The following CSNK1D variants were observed in gnomAD, a reference collection of about 807,000 sequenced individuals.
CSNK1D encodes the protein casein kinase 1 delta, also known as casein kinase I isoform delta.
CSNK1D carries 16 observed loss-of-function variants against 46.6 expected under a neutral mutation model. The observed-to-expected ratio is 0.34, with a 90% CI of 0.23 to 0.52. The LOEUF is 0.52. CSNK1D is among the 20% of genes least tolerant of loss of function. CSNK1D has a pLI of 0.95. For missense variants in CSNK1D, 398 were observed against 578.4 expected, an observed-to-expected ratio of 0.69 and a Z score of 3.20; for synonymous variants, 276 against 228.2, an observed-to-expected ratio of 1.21 and a Z score of -1.89.
rs974634932 is a variant in CSNK1D at position 82,243,463 on chromosome 17, AGCCTG to A, written c.*1313_*1317del. The A allele has an allele frequency of 4.1e-6, 4 of 985,492 alleles. No homozygotes were observed. Among genetic ancestry groups the A allele is most frequent in the Non-Finnish European group, 4.8e-6 (4 of 829,970 alleles). 61.0% of individuals were successfully genotyped at this position (985,492 alleles called of 1,614,324 possible). A position where few individuals can be genotyped will look rare whatever the true frequency, so the allele number is the denominator to read the frequency against. ...GGAACCTCAGGGCACAGCAGCATGG[AGCCTG>A]GGGCAGCACCAGCTCACGGAGGCCA... On this transcript the variant is annotated 3_prime_UTR_variant, in exon 9 of 9. Coordinates refer to ENST00000314028, the MANE Select transcript of CSNK1D (RefSeq NM_001893.6).
Position 82,242,803 on chromosome 17 carries a change from G to T in CSNK1D, c.*1978C>A. The T allele has an allele frequency of 5.1e-6, 5 of 985,470 alleles. No homozygotes were observed. Among genetic ancestry groups the T allele is most frequent in the Non-Finnish European group, 6.0e-6 (5 of 829,940 alleles). The allele number at this position is 985,470 out of a possible 1,614,324, so 61.0% of individuals were successfully genotyped here. A position where few individuals can be genotyped will look rare whatever the true frequency, so the allele number is the denominator to read the frequency against. ...GACGTCCTACCTACGTCTCCTGCAC[G>T]GGGCGACGGGGACTAGATACTGGGC... is the stretch of plus-strand genomic sequence containing the variant. On this transcript the variant is annotated 3_prime_UTR_variant, in exon 9 of 9. Coordinates refer to ENST00000314028, the MANE Select transcript of CSNK1D (RefSeq NM_001893.6).
intron 1 of CSNK1D, among the ~76,000 whole-genome samples, chr17:82,271,144 T>G (rs1457487692): frequency 6.6e-6 from 1 of 152,174 alleles, no homozygotes. Context: ...GGTGTGATCT[T>G]GGCTCACTGC....
chr17:82,242,537 G>C, downstream of CSNK1D: 1 of 722,706 alleles, frequency 1.4e-6, no homozygotes, highest in South Asian at 6.3e-5. Context: ...TGCTCTGCCA[G>C]CTCCCAGACA....
At chr17:82,253,338 T>C in intron 3 of CSNK1D, 94 bp from the exon 4 acceptor site, 1 of 985,168 alleles carries the variant, frequency 1.0e-6, no homozygotes, top group South Asian at 1.3e-5. Context: ...GCTGCATTGT[T>C]CCTGCCCCTC....
At chr17:82,266,325 C>T (rs572161254) in intron 1 of CSNK1D, among the ~76,000 whole-genome samples, 27 of 152,360 alleles carry the variant, frequency 1.8e-4, no homozygotes, top group African/African-American at 5.8e-4. Flanking sequence ...CAACCTATTG[C>T]AGGCAAACAC....
intron 1 of CSNK1D, among the ~76,000 whole-genome samples, chr17:82,272,875 C>G (rs1691347645): frequency 6.6e-6 from 1 of 151,364 alleles, no homozygotes; most frequent in Non-Finnish European, 1.5e-5. Flanking sequence ...CGGCCCCAGC[C>G]CTACCCCCTC....
chr17:82,257,450 T>C (rs985077071), intron 2 of CSNK1D, among the ~76,000 whole-genome samples: 2 of 152,178 alleles, frequency 1.3e-5, no homozygotes, highest in Non-Finnish European at 2.9e-5. Flanking sequence ...TTTTTTAAAG[T>C]GTTAAAGTTA....
rs915042112 is a variant in CSNK1D at position 82,252,913 on chromosome 17, C to G, written c.565+103G>C. The G allele has an allele frequency of 9.1e-6, 10 of 1,095,190 alleles. No homozygotes were observed. The highest frequency in any genetic ancestry group is 5.5e-6 in the Non-Finnish European group (4 of 731,320). The allele number at this position is 1,095,190 out of a possible 1,614,324, so 67.8% of individuals were successfully genotyped here. A position where few individuals can be genotyped will look rare whatever the true frequency, so the allele number is the denominator to read the frequency against. On this transcript the variant is annotated intron_variant, in intron 4 of 8. Coordinates refer to ENST00000314028, the MANE Select transcript of CSNK1D (RefSeq NM_001893.6). The surrounding 1 kb of genome is among the most constrained non-coding windows in gnomAD (Gnocchi z 4.6). ...TGTCTGCCGCAAAGGTCTGATGACA[C>G]GCTTGCAGCCCCAGCTCCCCGAGAG... is the stretch of plus-strand genomic sequence containing the variant.
chr17:82,244,166 G>A lies in CSNK1D; in HGVS notation c.*615C>T. ...CACACACACACCACGGACTTTTGAT[G>A]AGAAATCTCCTCTCCAAAGCGGACA... is the stretch of plus-strand genomic sequence containing the variant. On this transcript the variant is annotated 3_prime_UTR_variant, in exon 9 of 9. Transcript: ENST00000314028. 1 of 1,007,006 alleles carries A rather than the reference G, an allele frequency of 9.9e-7. No homozygotes were observed. Among genetic ancestry groups the A allele is most frequent in the Non-Finnish European group, 1.2e-6 (1 of 841,344 alleles). 62.4% of individuals were successfully genotyped at this position (1,007,006 alleles called of 1,614,324 possible). A position where few individuals can be genotyped will look rare whatever the true frequency, so the allele number is the denominator to read the frequency against.
Position 82,243,893 on chromosome 17 carries a change from T to TC in CSNK1D, c.*887dup. ...CATCTTCCACCTTGAATCCTGGGAC[T>TC]CCCAATTGTCCTGCTAGGGTCTCAA... On this transcript the variant is annotated 3_prime_UTR_variant, in exon 9 of 9. Transcript: ENST00000314028. The TC allele has an allele frequency of 2.0e-6, 2 of 985,602 alleles. No homozygotes were observed. The highest frequency in any genetic ancestry group is 2.4e-6 in the Non-Finnish European group (2 of 830,062). 61.1% of individuals were successfully genotyped at this position (985,602 alleles called of 1,614,324 possible). A position where few individuals can be genotyped will look rare whatever the true frequency, so the allele number is the denominator to read the frequency against.
At chr17:82,247,400 T>C in intron 8 of CSNK1D, 2 of 985,384 alleles carry the variant, frequency 2.0e-6, no homozygotes, top group Non-Finnish European at 1.2e-6. Context: ...ACACCTTCAC[T>C]GCCCACAAAG....
Position 82,251,023 on chromosome 17 carries a change from C to T in CSNK1D, c.885+356G>A, listed in dbSNP as rs772317500. The T allele has an allele frequency of 8.5e-6, 3 of 354,196 alleles. No individual in the cohort carries two copies. Among genetic ancestry groups the T allele is most frequent in the Middle Eastern group, 9.8e-4 (1 of 1,022 alleles). 21.9% of individuals were successfully genotyped at this position (354,196 alleles called of 1,614,324 possible). ...AACCCCACTCATCTCGTGGGCACCA[C>T]GACCATGTGGCACAGCGAATGGGAA... is the stretch of plus-strand genomic sequence containing the variant. On this transcript the variant is annotated intron_variant, in intron 6 of 8. Transcript: ENST00000314028. The surrounding 1 kb of genome is among the most constrained non-coding windows in gnomAD (Gnocchi z 4.5).
chr17:82,273,707 A>C (rs1305125594), upstream of CSNK1D: 1 of 483,812 alleles, frequency 2.1e-6, no homozygotes. This position sits in a 1 kb window ranked among gnomAD's most constrained non-coding sequence, Gnocchi z 5.1. Context: ...CTGTGACGTC[A>C]CTTCCCCTAG....
Position 82,255,904 on chromosome 17 carries a change from G to C in CSNK1D, c.188-327C>G, listed in dbSNP as rs2051163835. Among the ~76,000 whole-genome samples the C allele has an allele frequency of 6.6e-6, 1 of 152,224 alleles. No homozygotes were observed. The highest frequency in any genetic ancestry group is 6.5e-5 in the Admixed American group (1 of 15,272). On this transcript the variant is annotated intron_variant, in intron 2 of 8. Transcript: ENST00000314028. This position sits in a 1 kb window ranked among gnomAD's most constrained non-coding sequence, Gnocchi z 5.9. Reference sequence around the variant, plus strand: ...GAGACACAGAAAGCAGCCACGATGTGGGAAAGAAAAGAGCTCAGGCATAAA... The same window carrying C: ...GAGACACAGAAAGCAGCCACGATGTCGGAAAGAAAAGAGCTCAGGCATAAA...
chr17:82,249,724 G>C lies in CSNK1D; in HGVS notation c.886-122C>G. On this transcript the variant is annotated intron_variant, in intron 6 of 8. Transcript: ENST00000314028. The surrounding 1 kb of genome is among the most constrained non-coding windows in gnomAD (Gnocchi z 6.7). ...AAAGGGCACTGGGACGAGACTGCCT[G>C]CAAAGCCCCCCACAGGCTGCACGTT... The C allele has an allele frequency of 6.6e-7, 1 of 1,516,862 alleles. No individual in the cohort carries two copies. Among genetic ancestry groups the C allele is most frequent in the Non-Finnish European group, 8.8e-7 (1 of 1,135,928 alleles). 94.0% of individuals were successfully genotyped at this position (1,516,862 alleles called of 1,614,324 possible).
At chr17:82,257,415 G>A (rs533222546) in intron 2 of CSNK1D, among the ~76,000 whole-genome samples, 12 of 152,040 alleles carry the variant, frequency 7.9e-5, no homozygotes, top group Non-Finnish European at 1.6e-4. Flanking sequence ...TCTGCCCTCA[G>A]CGTCAAAAAG....
chr17:82,249,616 A>T lies in CSNK1D; in HGVS notation c.886-14T>A, dbSNP rs762891038. 2 of 1,558,776 alleles carry T rather than the reference A, an allele frequency of 1.3e-6. No individual in the cohort carries two copies. ...CCGGCTGGCACCCTGAGGAGGCAGG[A>T]GGTGAGGCCGGAATGGAACCAGCTT... On this transcript the variant is annotated splice_polypyrimidine_tract_variant and intron_variant, in intron 6 of 8. Transcript: ENST00000314028. This position sits in a 1 kb window ranked among gnomAD's most constrained non-coding sequence, Gnocchi z 6.7.
In CSNK1D at chr17:82,251,185, T is replaced by C; in HGVS notation, c.885+194A>G. Reference sequence around the variant, plus strand: ...GACCCCTCTGCGTTCCCTAATGGCGTCTTACTTCTTGGCACCCCTTTCTGG... The same window carrying C: ...GACCCCTCTGCGTTCCCTAATGGCGCCTTACTTCTTGGCACCCCTTTCTGG... On this transcript the variant is annotated intron_variant, in intron 6 of 8. Transcript: ENST00000314028. The surrounding 1 kb of genome is among the most constrained non-coding windows in gnomAD (Gnocchi z 4.5). 1.6e-6 allele frequency: 1 copy of C among 634,274 alleles called. No individual in the cohort carries two copies. The highest frequency in any genetic ancestry group is 2.9e-5 in the East Asian group (1 of 34,986). The allele number at this position is 634,274 out of a possible 1,614,324, so 39.3% of individuals were successfully genotyped here.
downstream of CSNK1D, among the ~76,000 whole-genome samples, chr17:82,241,673 GTC>G (rs1428429461): frequency 3.3e-5 from 5 of 152,216 alleles, no homozygotes; most frequent in Non-Finnish European, 7.4e-5. Context: ...CCCACACGGT[GTC>G]TCAGTCTGGG....
Sources: allele counts gnomAD v4.1 joint callset (sites outside exome capture counted in the v4.1 genomes callset), GRCh38; gene constraint gnomAD v4.1.1; non-coding constraint Gnocchi (gnomAD v3.1); transcripts MANE v1.5; gene names NCBI Gene and HGNC (gene_info 2026-07-23, HGNC 2026-07-21).